EXOC6: variants seen among roughly 807,000 people sequenced by gnomAD.
The protein encoded by EXOC6 is exocyst complex component 6, also known as SEC15-like 1.
A neutral mutation model predicts 112.5 loss-of-function variants in EXOC6; 60 were observed. The ratio of observed to expected loss-of-function variants is 0.53; its 90% CI spans 0.43 to 0.66. The LOEUF is 0.66. EXOC6 is among the 30% of genes least tolerant of loss of function. EXOC6 has a pLI of 0.00. For missense variants in EXOC6, 855 were observed against 957.1 expected (o/e 0.89, Z 1.41); for synonymous variants, 295 against 308.0 (o/e 0.96, Z 0.44).
intron 20 of EXOC6, among the ~76,000 whole-genome samples, chr10:93,033,786 A>G (rs1845383801): frequency 6.6e-6 from 1 of 152,218 alleles, no homozygotes. Context: ...GCACTGGGGA[A>G]AAAGAAGTGA....
intron 1 of EXOC6, among the ~76,000 whole-genome samples, chr10:92,874,493 G>T (rs777631079): frequency 6.6e-6 from 1 of 152,104 alleles, no homozygotes; most frequent in Non-Finnish European, 1.5e-5. Flanking sequence ...ATTCATTTGG[G>T]AAGATATGCT....
rs1182835684 is a variant in EXOC6, at chr10:92,951,981, ACAGAATACTCATCAC to A, written c.1417-277_1417-263del. The stretch of plus-strand genomic sequence containing the variant: ...CAGACAGCCTAGGCATTGCCTACAG[ACAGAATACTCATCAC>A]CAGAATACTCATCATCAGAATACAC... On this transcript the variant is annotated intron_variant, in intron 14 of 21. Transcript: ENST00000260762. Among the ~76,000 whole-genome samples, 5 of 152,204 alleles carry A rather than the reference ACAGAATACTCATCAC, an allele frequency of 3.3e-5. No homozygotes were observed. In the East Asian group the frequency reaches 7.7e-4, roughly 23 times the overall value.
At position 92,827,452 on chromosome 10, in the gene EXOC6, C is replaced by T. The variant is rs1216904871; in HGVS notation, c.-27+508C>T. Among the ~76,000 whole-genome samples, 6 of 109,466 alleles carry T rather than the reference C, an allele frequency of 5.5e-5. No homozygotes were observed. The South Asian group carries it at 1.6e-3, about 30-fold the overall frequency. The allele number at this position is 109,466 out of a possible 152,430, so 71.8% of individuals were successfully genotyped here. A position where few individuals can be genotyped will look rare whatever the true frequency, so the allele number is the denominator to read the frequency against. On this transcript the variant is annotated intron_variant, in intron 1 of 22. Coordinates refer to the EXOC6 transcript ENST00000671701. ...TGGCACCACTGCACTGCAGCCTGGG[C>T]GACAGAGTGAGGCCCTGTTGCCAAA...
At chr10:92,945,170 C>T (rs1200706698) in intron 13 of EXOC6, among the ~76,000 whole-genome samples, 2 of 152,142 alleles carry the variant, frequency 1.3e-5, no homozygotes, top group Non-Finnish European at 2.9e-5. Context: ...TTTGTGTCTT[C>T]TTTTGATAAA....
At chr10:92,850,084 A>G (rs538044565) in intron 1 of EXOC6, among the ~76,000 whole-genome samples, 25 of 152,340 alleles carry the variant, frequency 1.6e-4, no homozygotes, top group African/African-American at 6.0e-4. Flanking sequence ...CTTTGTTTTC[A>G]TCACTGCATC....
chr10:93,014,681 A>T (rs545431747), intron 20 of EXOC6, among the ~76,000 whole-genome samples: 1 of 152,204 alleles, frequency 6.6e-6, no homozygotes, highest in Non-Finnish European at 1.5e-5. Flanking sequence ...CTTGCATAAA[A>T]TTTTTTCAAT....
intron 12 of EXOC6, among the ~76,000 whole-genome samples, chr10:92,937,797 G>A (rs1852435852): frequency 6.6e-6 from 1 of 152,166 alleles, no homozygotes; most frequent in Non-Finnish European, 1.5e-5. Flanking sequence ...GAGAGCAAAA[G>A]TAATAGTAAT....
chr10:93,052,968 CAT>C (rs896575414), intron 20 of EXOC6, among the ~76,000 whole-genome samples: 4 of 152,200 alleles, frequency 2.6e-5, no homozygotes, highest in Admixed American at 2.6e-4. Flanking sequence ...TAATAACAAA[CAT>C]ATTATTTGTG....
intron 1 of EXOC6, among the ~76,000 whole-genome samples, chr10:92,873,895 T>TA (rs1043910084): frequency 6.0e-5 from 9 of 151,260 alleles, no homozygotes; most frequent in African/African-American, 2.2e-4. Context: ...TACTAAAATA[T>TA]AAAAAAAATT....
chr10:93,018,760 T>C (rs1183108657), intron 20 of EXOC6, among the ~76,000 whole-genome samples: 4 of 151,960 alleles, frequency 2.6e-5, no homozygotes, highest in African/African-American at 9.7e-5. Flanking sequence ...AAAAGAAAAA[T>C]TATTGATAGT....
At chr10:92,848,976 C>T (rs1281003971) in intron 1 of EXOC6, among the ~76,000 whole-genome samples, 2 of 152,166 alleles carry the variant, frequency 1.3e-5, no homozygotes, top group Non-Finnish European at 2.9e-5. Context: ...CTTCTGGGGC[C>T]TGCCCCCGTC....
chr10:92,982,777 T>G (rs972914776), intron 18 of EXOC6, among the ~76,000 whole-genome samples: 1 of 151,990 alleles, frequency 6.6e-6, no homozygotes, highest in Non-Finnish European at 1.5e-5. Flanking sequence ...CTTTGAAGAG[T>G]TTTTTTTCCT....
intron 6 of EXOC6, among the ~76,000 whole-genome samples, chr10:92,913,431 G>C (rs1850910461): frequency 6.6e-6 from 1 of 152,124 alleles, no homozygotes; most frequent in South Asian, 2.1e-4. Flanking sequence ...GTGATACCCT[G>C]TTACCTTTTA....
intron 5 of EXOC6, among the ~76,000 whole-genome samples, chr10:92,904,969 T>C (rs189842422): frequency 2.9e-4 from 44 of 152,206 alleles, no homozygotes; most frequent in African/African-American, 1.0e-3. Context: ...TTAATTTTTA[T>C]AAAAAGTGAA....
chr10:92,915,093 A>C (rs983182274), intron 6 of EXOC6, among the ~76,000 whole-genome samples: 2 of 152,228 alleles, frequency 1.3e-5, no homozygotes, highest in Non-Finnish European at 2.9e-5. Context: ...AAGTAAAATA[A>C]GCTTGCAACT....
chr10:92,929,104 G>C (rs1231419016), intron 9 of EXOC6, among the ~76,000 whole-genome samples: 1 of 152,154 alleles, frequency 6.6e-6, no homozygotes, highest in African/African-American at 2.4e-5. Context: ...ACCCAAAGTA[G>C]GTGTCTAATA....
At chr10:92,951,461 G>A (rs1298494763) in intron 14 of EXOC6, among the ~76,000 whole-genome samples, 2 of 152,158 alleles carry the variant, frequency 1.3e-5, no homozygotes, top group Non-Finnish European at 2.9e-5. Context: ...TGGGTCAACT[G>A]TGTCAGATTT....
intron 1 of EXOC6, among the ~76,000 whole-genome samples, chr10:92,866,434 T>C (rs1258732746): frequency 6.6e-6 from 1 of 152,140 alleles, no homozygotes; most frequent in South Asian, 2.1e-4. Flanking sequence ...GAAACAAATA[T>C]ATAAACTTAA....
intron 9 of EXOC6, 143 bp downstream of exon 9, chr10:92,928,565 G>A: frequency 1.8e-6 from 1 of 551,970 alleles, no homozygotes; most frequent in Non-Finnish European, 3.2e-6. Context: ...TGGTTTAGGT[G>A]CTAAGGGTAC....
Sources: allele counts gnomAD v4.1 joint callset (sites outside exome capture counted in the v4.1 genomes callset), GRCh38; gene constraint gnomAD v4.1.1; transcripts MANE v1.5; gene names NCBI Gene and HGNC (gene_info 2026-07-23, HGNC 2026-07-21).